The following VPS13B variants were observed in gnomAD, a reference collection of about 807,000 sequenced individuals.
VPS13B encodes intermembrane lipid transfer protein VPS13B.
Under a neutral mutation model 426.4 loss-of-function variants are expected in VPS13B, and 285 were observed. The ratio of observed to expected loss-of-function variants is 0.67; its 90% CI spans 0.61 to 0.74. VPS13B has a LOEUF of 0.74. Among genes scored for constraint, VPS13B ranks in the 30% least tolerant of loss-of-function variants. The pLI is 0.00. For missense variants in VPS13B, 4,537 were observed against 4,782.6 expected (o/e 0.95, Z 1.51); for synonymous variants, 1,676 against 1,676.4 (o/e 1.00, Z 0.01).
chr8:99,079,851 G>T (rs935187993), intron 3 of VPS13B, among the ~76,000 whole-genome samples: 15 of 151,518 alleles, frequency 9.9e-5, no homozygotes, highest in African/African-American at 2.7e-4. Context: ...CTTGAACCCG[G>T]GAGGTGGAGG....
intron 17 of VPS13B, among the ~76,000 whole-genome samples, chr8:99,224,274 C>T (rs1326816399): frequency 6.6e-6 from 1 of 152,100 alleles, no homozygotes; most frequent in East Asian, 1.9e-4. Context: ...AAGAATACTT[C>T]ATAGAAACAT....
intron 16 of VPS13B, among the ~76,000 whole-genome samples, chr8:99,170,574 A>G (rs762190894): frequency 2.4e-4 from 37 of 151,946 alleles, no homozygotes; most frequent in Non-Finnish European, 1.3e-4. Context: ...TGACAAAAGT[A>G]TACACATTAT....
At chr8:99,571,298 A>T (rs1448316355) in intron 31 of VPS13B, among the ~76,000 whole-genome samples, 1 of 152,168 alleles carries the variant, frequency 6.6e-6, no homozygotes, top group Non-Finnish European at 1.5e-5. Flanking sequence ...AATTGTAGTT[A>T]TTCAGTGTTT....
At chr8:99,137,312 A>G (rs775611328) in intron 12 of VPS13B, among the ~76,000 whole-genome samples, 1 of 151,602 alleles carries the variant, frequency 6.6e-6, no homozygotes, top group Non-Finnish European at 1.5e-5. Flanking sequence ...TTTTATGTTG[A>G]AAAGTTAGCG....
intron 35 of VPS13B, among the ~76,000 whole-genome samples, chr8:99,681,002 T>C (rs1588617946): frequency 6.6e-6 from 1 of 152,344 alleles, no homozygotes; most frequent in African/African-American, 2.4e-5. Flanking sequence ...ATTTTTTAAG[T>C]TAAAAAATAC....
intron 10 of VPS13B, 75 bp from the exon 11 acceptor site, chr8:99,135,521 T>TA: frequency 6.4e-7 from 1 of 1,550,894 alleles, no homozygotes; most frequent in Non-Finnish European, 8.8e-7. Flanking sequence ...ATGGGCATCA[T>TA]AAAATCAAGG....
intron 38 of VPS13B, 59 bp from the exon 39 acceptor site, chr8:99,720,804 T>C (rs1833101530): frequency 1.3e-6 from 2 of 1,485,824 alleles, no homozygotes; most frequent in Non-Finnish European, 1.8e-6. Context: ...TCCTTTACTT[T>C]TTCCCCTTTG....
chr8:99,868,549 C>G (rs991188277), intron 59 of VPS13B, 84 bp downstream of exon 59: 1 of 1,497,646 alleles, frequency 6.7e-7, no homozygotes, highest in African/African-American at 1.4e-5. Flanking sequence ...GATAGTGTAA[C>G]CTTTCACATG....
chr8:99,185,259 AG>A (rs1285616717), intron 16 of VPS13B, among the ~76,000 whole-genome samples: 1 of 152,250 alleles, frequency 6.6e-6, no homozygotes, highest in Non-Finnish European at 1.5e-5. Flanking sequence ...AGAGGTCTGC[AG>A]GGATATATGA....
At chr8:99,762,133 C>T (rs902442436) in intron 39 of VPS13B, among the ~76,000 whole-genome samples, 2 of 151,992 alleles carry the variant, frequency 1.3e-5, no homozygotes, top group South Asian at 2.1e-4. Flanking sequence ...TCAGGCGATC[C>T]TCCGACTTCA....
intron 31 of VPS13B, among the ~76,000 whole-genome samples, chr8:99,574,830 A>G (rs1716824253): frequency 6.6e-6 from 1 of 152,074 alleles, no homozygotes; most frequent in Non-Finnish European, 1.5e-5. Context: ...CCTACTTTAC[A>G]TACAGGATTG....
At chr8:99,680,990 T>G (rs1831132075) in intron 35 of VPS13B, among the ~76,000 whole-genome samples, 1 of 152,106 alleles carries the variant, frequency 6.6e-6, no homozygotes, top group Non-Finnish European at 1.5e-5. Context: ...ATTTTTACTT[T>G]TATTTTTTAA....
chr8:99,812,291 GAGACGTAGGATTTCCTCAA>G (rs1813750072), intron 44 of VPS13B, among the ~76,000 whole-genome samples: 3 of 152,182 alleles, frequency 2.0e-5, no homozygotes, highest in African/African-American at 7.2e-5. Context: ...AAGTACATCA[GAGACGTAGGATTTCCTCAA>G]TTGGCAAGGT....
chr8:99,451,727 A>G, intron 23 of VPS13B, among the ~76,000 whole-genome samples: 1 of 152,078 alleles, frequency 6.6e-6, no homozygotes, highest in East Asian at 1.9e-4. Context: ...TATCTCCGTA[A>G]TAGGCTTATA....
chr8:99,378,263 C>T (rs991875946), intron 19 of VPS13B, among the ~76,000 whole-genome samples: 5 of 151,934 alleles, frequency 3.3e-5, no homozygotes, highest in African/African-American at 7.3e-5. Flanking sequence ...CTGTCCTGCC[C>T]GGCCCACAGG....
chr8:99,257,860 G>A (rs1168708346), intron 17 of VPS13B, among the ~76,000 whole-genome samples: 1 of 151,190 alleles, frequency 6.6e-6, no homozygotes, highest in Non-Finnish European at 1.5e-5. Flanking sequence ...CTCTTGGGCT[G>A]TCAGAATATG....
At chr8:99,122,901 T>G (rs1376552579) in intron 8 of VPS13B, among the ~76,000 whole-genome samples, 3 of 151,510 alleles carry the variant, frequency 2.0e-5, no homozygotes, top group Non-Finnish European at 4.4e-5. Flanking sequence ...TCACCTGAGA[T>G]CTGGAATTCG....
At chr8:99,559,760 T>G (rs149916840) in intron 31 of VPS13B, among the ~76,000 whole-genome samples, 26,524 of 152,018 alleles carry the variant, frequency 0.17, 2,834 homozygotes, top group East Asian at 0.39. Flanking sequence ...TGTTCCATTG[T>G]TCTATATCTC....
At chr8:99,872,083 AGCAATTCCAC>A (rs1817446680) in intron 61 of VPS13B, among the ~76,000 whole-genome samples, 1 of 152,224 alleles carries the variant, frequency 6.6e-6, no homozygotes, top group South Asian at 2.1e-4. Flanking sequence ...GGATTGGGGC[AGCAATTCCAC>A]GCAACTGCTC....
Sources: allele counts gnomAD v4.1 joint callset (sites outside exome capture counted in the v4.1 genomes callset), GRCh38; gene constraint gnomAD v4.1.1; transcripts MANE v1.5; gene names NCBI Gene and HGNC (gene_info 2026-07-23, HGNC 2026-07-21).